The following SIPA1L1 variants were observed in gnomAD, a reference collection of about 807,000 sequenced individuals.
SIPA1L1 encodes the protein signal-induced proliferation-associated 1-like protein 1.
SIPA1L1 carries 26 observed loss-of-function variants against 162.7 expected under a neutral mutation model. That is an observed-to-expected ratio of 0.16 (90% CI 0.12 to 0.22). SIPA1L1 has a LOEUF of 0.22. SIPA1L1 is among the 10% of genes least tolerant of loss of function. The pLI is 1.00. For missense variants in SIPA1L1, 1,874 were observed against 2,241.0 expected (o/e 0.84, Z 3.31); for synonymous variants, 829 against 837.4 (o/e 0.99, Z 0.17).
intron 17 of SIPA1L1, among the ~76,000 whole-genome samples, chr14:71,710,807 C>CAAAAA (rs570414143): frequency 3.5e-5 from 2 of 57,590 alleles, no homozygotes; most frequent in African/African-American, 1.1e-4. Context: ...GATTCTGTCT[C>CAAAAA]AAAAAAAAAA....
intron 17 of SIPA1L1, among the ~76,000 whole-genome samples, chr14:71,717,314 A>G (rs1019817159): frequency 6.6e-6 from 1 of 152,238 alleles, no homozygotes; most frequent in African/African-American, 2.4e-5. Flanking sequence ...GAAATGCCCT[A>G]TAGCTTATAG....
At chr14:71,720,865 T>C (rs188907849) in intron 17 of SIPA1L1, among the ~76,000 whole-genome samples, 111 of 152,310 alleles carry the variant, frequency 7.3e-4, no homozygotes, top group African/African-American at 2.5e-3. Flanking sequence ...ATGTGATATC[T>C]TGAAGTTTAT....
chr14:71,722,927 G>C (rs1304708581), intron 17 of SIPA1L1, among the ~76,000 whole-genome samples: 1 of 152,100 alleles, frequency 6.6e-6, no homozygotes, highest in Non-Finnish European at 1.5e-5. Flanking sequence ...GTAGAGACAG[G>C]GTTTCGCCAT....
At chr14:71,446,894 GTTTTT>G (rs765106790) in intron 2 of SIPA1L1, among the ~76,000 whole-genome samples, 2 of 87,400 alleles carry the variant, frequency 2.3e-5, no homozygotes, top group Non-Finnish European at 4.3e-5. Flanking sequence ...GATGGGCTCT[GTTTTT>G]TTTTTTGTTT....
chr14:71,451,110 A>C (rs934817858), intron 2 of SIPA1L1, among the ~76,000 whole-genome samples: 2 of 152,198 alleles, frequency 1.3e-5, no homozygotes, highest in African/African-American at 4.8e-5. Flanking sequence ...AATAACATGG[A>C]TGAACCTGGA....
Position 71,739,303 on chromosome 14 carries a change from A to C in SIPA1L1, c.*142A>C, listed in dbSNP as rs1374053185. ...CCCCCTTTCGGGGAGTGCACAACAC[A>C]ATAGTTGCAGATCAACAATCATCAC... is the stretch of plus-strand genomic sequence containing the variant. On this transcript the variant is annotated 3_prime_UTR_variant, in exon 24 of 24. Transcript: ENST00000381232. The C allele has an allele frequency of 1.7e-6, 1 of 592,754 alleles. No individual in the cohort carries two copies. Among genetic ancestry groups the C allele is most frequent in the Non-Finnish European group, 2.6e-6 (1 of 386,076 alleles). 36.7% of individuals were successfully genotyped at this position (592,754 alleles called of 1,614,324 possible). A position where few individuals can be genotyped will look rare whatever the true frequency, so the allele number is the denominator to read the frequency against.
At chr14:71,609,327 G>A (rs1033522122) in intron 5 of SIPA1L1, among the ~76,000 whole-genome samples, 1 of 152,022 alleles carries the variant, frequency 6.6e-6, no homozygotes, top group African/African-American at 2.4e-5. Flanking sequence ...GGAGTGTAGT[G>A]GCATAATCAC....
intron 16 of SIPA1L1, 85 bp downstream of exon 16, chr14:71,705,425 T>C: frequency 1.0e-6 from 1 of 990,416 alleles, no homozygotes; most frequent in Non-Finnish European, 1.6e-6. Flanking sequence ...CTCTTTCCTC[T>C]GCATGGCCAA....
At chr14:71,599,350 A>T (rs959367302) in intron 5 of SIPA1L1, among the ~76,000 whole-genome samples, 1 of 151,298 alleles carries the variant, frequency 6.6e-6, no homozygotes, top group Non-Finnish European at 1.5e-5. Flanking sequence ...GGGTTTCTCC[A>T]TGTTGATCAG....
chr14:71,356,567 C>CAAAAAAGAAAAAAAAAAA (rs2037268199), intron 2 of SIPA1L1, among the ~76,000 whole-genome samples: 1 of 39,172 alleles, frequency 2.6e-5, no homozygotes, highest in Non-Finnish European at 4.3e-5. Context: ...CTTGTCTCTA[C>CAAAAAAGAAAAAAAAAAA]AAAAAAAAAA....
At chr14:71,474,135 A>T (rs909685043) in intron 2 of SIPA1L1, among the ~76,000 whole-genome samples, 1 of 152,250 alleles carries the variant, frequency 6.6e-6, no homozygotes, top group South Asian at 2.1e-4. Context: ...CACTTGGCTT[A>T]TAAAGATTCC....
chr14:71,340,084 C>T (rs1016501219), intron 2 of SIPA1L1, among the ~76,000 whole-genome samples: 4 of 152,212 alleles, frequency 2.6e-5, no homozygotes, highest in Non-Finnish European at 5.9e-5. Context: ...GACCACCACC[C>T]TGTTAAACTT....
At chr14:71,549,461 T>C (rs1350268489) in intron 4 of SIPA1L1, among the ~76,000 whole-genome samples, 1 of 152,156 alleles carries the variant, frequency 6.6e-6, no homozygotes, top group East Asian at 1.9e-4. Context: ...TTATTTCTGA[T>C]GTTTTATTTA....
At position 71,565,442 on chromosome 14, in the gene SIPA1L1, A is replaced by T. The variant is rs2030266997; in HGVS notation, c.-302-22129A>T. Among the ~76,000 whole-genome samples, 2 of 152,238 alleles carry T rather than the reference A, an allele frequency of 1.3e-5. 1 individual carries two copies. The highest frequency in any genetic ancestry group is 4.1e-4 in the South Asian group (2 of 4,828). ...GCCTAGAGATTTTACCGAAGGTTCC[A>T]CCTTCCATGAATTTTGTAATCAAGC... On this transcript the variant is annotated intron_variant, in intron 4 of 23. Transcript: ENST00000381232.
chr14:71,610,230 A>G (rs2038050544), intron 5 of SIPA1L1, among the ~76,000 whole-genome samples: 1 of 152,218 alleles, frequency 6.6e-6, no homozygotes, highest in South Asian at 2.1e-4. Flanking sequence ...AGTTAGTAAA[A>G]ATAAAGATGC....
In SIPA1L1 at chr14:71,330,059, G is replaced by C. The variant is rs74060348; in HGVS notation, c.-465+8878G>C. On this transcript the variant is annotated intron_variant, in intron 2 of 23. Transcript: ENST00000381232. ...AAAATATGACAGGTGGAAAGGACTAGTACATGGAATTCAATAAATGTCAGT... is the reference window on the plus strand; with the variant it reads ...AAAATATGACAGGTGGAAAGGACTACTACATGGAATTCAATAAATGTCAGT... Among the ~76,000 whole-genome samples the C allele has an allele frequency of 3.1e-3, 467 of 152,220 alleles. 3 individuals carry two copies. Among genetic ancestry groups the C allele is most frequent in the African/African-American group, 0.011 (449 of 41,460 alleles).
chr14:71,521,714 A>G (rs1022546599), intron 3 of SIPA1L1, among the ~76,000 whole-genome samples: 12 of 152,198 alleles, frequency 7.9e-5, no homozygotes, highest in African/African-American at 2.4e-4. Context: ...GCATATGCCT[A>G]TGTTCAACTT....
intron 7 of SIPA1L1, among the ~76,000 whole-genome samples, chr14:71,645,795 A>G (rs971594092): frequency 6.6e-6 from 1 of 152,204 alleles, no homozygotes; most frequent in Non-Finnish European, 1.5e-5. Flanking sequence ...TGTTTTGAAG[A>G]TAGTTTTGAT....
intron 2 of SIPA1L1, chr14:71,330,414 C>G: frequency 9.5e-6 from 13 of 1,367,578 alleles, no homozygotes; most frequent in Non-Finnish European, 1.4e-5. Context: ...CACGAGCTGT[C>G]TTCAGGATCT....
Sources: allele counts gnomAD v4.1 joint callset (sites outside exome capture counted in the v4.1 genomes callset), GRCh38; gene constraint gnomAD v4.1.1; transcripts MANE v1.5; gene names NCBI Gene and HGNC (gene_info 2026-07-23, HGNC 2026-07-21).